The following RGS6 variants were observed in gnomAD, a reference collection of about 807,000 sequenced individuals.
RGS6 encodes the protein regulator of G protein signaling 6, also known as regulator of G-protein signaling 6.
Under a neutral mutation model 78.5 loss-of-function variants are expected in RGS6, and 30 were observed. The ratio of observed to expected loss-of-function variants is 0.38; its 90% CI spans 0.29 to 0.52. RGS6 has a LOEUF of 0.52. Among genes scored for constraint, RGS6 ranks in the 20% least tolerant of loss-of-function variants. The pLI is 0.85. For synonymous variants in RGS6, 206 were observed against 206.0 expected, an observed-to-expected ratio of 1.00 and a Z score of 0.00; for missense variants, 495 against 609.7, an observed-to-expected ratio of 0.81 and a Z score of 1.98.
At chr14:71,878,291 G>C in the RGS6 span, among the ~76,000 whole-genome samples, 7 of 152,206 alleles carry the variant, frequency 4.6e-5, no homozygotes, top group Admixed American at 4.6e-4. Flanking sequence ...GGAGTCTACA[G>C]AGGCAGGCAG....
chr14:72,131,586 G>A (rs1347187139), intron 2 of RGS6, among the ~76,000 whole-genome samples: 1 of 152,118 alleles, frequency 6.6e-6, no homozygotes, highest in African/African-American at 2.4e-5. Flanking sequence ...AGAAACTTTT[G>A]TATCCTTCCC....
intron 2 of RGS6, among the ~76,000 whole-genome samples, chr14:72,231,770 G>A (rs1320327405): frequency 3.3e-5 from 5 of 152,014 alleles, no homozygotes; most frequent in African/African-American, 4.8e-5. Flanking sequence ...GAGCGTGTTC[G>A]AGAGAAAGAA....
chr14:71,912,987 G>A, the RGS6 span, among the ~76,000 whole-genome samples: 4 of 151,908 alleles, frequency 2.6e-5, no homozygotes, highest in Non-Finnish European at 4.4e-5. Flanking sequence ...CACCACACCC[G>A]GCTAATTTTT....
intron 2 of RGS6, among the ~76,000 whole-genome samples, chr14:72,133,833 C>T (rs1013615462): frequency 1.3e-5 from 2 of 152,018 alleles, no homozygotes; most frequent in African/African-American, 2.4e-5. Flanking sequence ...CACGCATCTA[C>T]GTGATTGGTG....
intron 2 of RGS6, among the ~76,000 whole-genome samples, chr14:72,213,098 T>G: frequency 6.6e-6 from 1 of 152,212 alleles, no homozygotes; most frequent in East Asian, 1.9e-4. Flanking sequence ...GTTTATCTTA[T>G]TAATCCTAGA....
chr14:72,355,873 T>A (rs759824924), intron 3 of RGS6, among the ~76,000 whole-genome samples: 3 of 152,100 alleles, frequency 2.0e-5, no homozygotes, highest in Non-Finnish European at 4.4e-5. Flanking sequence ...GCAAGAGAGT[T>A]CCTGGAACAT....
At chr14:72,044,510 C>T (rs2092683192) in intron 2 of RGS6, among the ~76,000 whole-genome samples, 1 of 152,176 alleles carries the variant, frequency 6.6e-6, no homozygotes, top group Non-Finnish European at 1.5e-5. Context: ...CTCTCCCTCT[C>T]CTTTTCCCTC....
intron 2 of RGS6, among the ~76,000 whole-genome samples, chr14:72,045,559 A>G (rs891694859): frequency 5.9e-5 from 9 of 152,120 alleles, no homozygotes; most frequent in Non-Finnish European, 1.2e-4. Context: ...ATCTAATGTA[A>G]TCTGTTATTT....
intron 2 of RGS6, among the ~76,000 whole-genome samples, chr14:71,997,030 G>A (rs2095232200): frequency 6.6e-6 from 1 of 152,162 alleles, no homozygotes; most frequent in Admixed American, 6.5e-5. Context: ...GGATTGGAGA[G>A]GACAGGGTGG....
intron 2 of RGS6, among the ~76,000 whole-genome samples, chr14:72,031,923 A>G (rs966748465): frequency 6.6e-6 from 1 of 152,200 alleles, no homozygotes; most frequent in Non-Finnish European, 1.5e-5. Flanking sequence ...TAATGTTTGC[A>G]GTGCCAATAG....
chr14:72,255,820 A>G (rs2056960112), intron 2 of RGS6, among the ~76,000 whole-genome samples: 1 of 152,238 alleles, frequency 6.6e-6, no homozygotes, highest in Admixed American at 6.5e-5. Flanking sequence ...TACTAAATAG[A>G]AGTTTCTCAC....
intron 2 of RGS6, among the ~76,000 whole-genome samples, chr14:72,019,923 G>C (rs1266280298): frequency 6.6e-6 from 1 of 152,184 alleles, no homozygotes; most frequent in Non-Finnish European, 1.5e-5. Flanking sequence ...GAGCATTCTG[G>C]AATGCTGCAT....
At position 72,066,250 on chromosome 14, in the gene RGS6, A is replaced by G. The variant is rs142524059; in HGVS notation, c.84+101375A>G. 3.7e-3 allele frequency among the ~76,000 whole-genome samples: 556 copies of G among 152,194 alleles called. 1 individual carries two copies. Among genetic ancestry groups the G allele is most frequent in the Middle Eastern group, 0.02 (6 of 294 alleles). On this transcript the variant is annotated intron_variant, in intron 2 of 17. Transcript: ENST00000553525. Reference sequence around the variant, plus strand: ...GGAACGGGTCACTGGAGATTTTGCTATCTCTCCAGGTTTCATGCTTTGGGA... The same window carrying G: ...GGAACGGGTCACTGGAGATTTTGCTGTCTCTCCAGGTTTCATGCTTTGGGA...
At chr14:72,416,452 G>A (rs775844465) in intron 3 of RGS6, among the ~76,000 whole-genome samples, 2 of 152,196 alleles carry the variant, frequency 1.3e-5, no homozygotes, top group African/African-American at 4.8e-5. Context: ...AGATTTGTAA[G>A]TTGACTGTAT....
At chr14:72,443,310 T>A (rs958403496) in intron 3 of RGS6, among the ~76,000 whole-genome samples, 1 of 152,222 alleles carries the variant, frequency 6.6e-6, no homozygotes, top group South Asian at 2.1e-4. Context: ...ACCCGTAAGA[T>A]CTTTGCTCAA....
intron 2 of RGS6, among the ~76,000 whole-genome samples, chr14:72,000,006 G>C (rs147093661): frequency 3.2e-4 from 48 of 152,236 alleles, no homozygotes; most frequent in African/African-American, 1.1e-3. Flanking sequence ...TCTGAACATT[G>C]TGACCTTCTA....
At chr14:72,629,615 C>T in the RGS6 span, 2 of 1,534,548 alleles carry the variant, frequency 1.3e-6, no homozygotes, top group East Asian at 2.4e-5. Flanking sequence ...GGGAAAGCCC[C>T]AAACTCACAT....
intron 2 of RGS6, among the ~76,000 whole-genome samples, chr14:72,346,216 T>C (rs1359700442): frequency 6.6e-6 from 1 of 152,224 alleles, no homozygotes; most frequent in African/African-American, 2.4e-5. Context: ...TATAGTTTGC[T>C]ATACTTTAAG....
chr14:72,278,287 A>G (rs1158885340), intron 2 of RGS6, among the ~76,000 whole-genome samples: 1 of 152,242 alleles, frequency 6.6e-6, no homozygotes, highest in African/African-American at 2.4e-5. Context: ...TGGTTTTGAT[A>G]GAAAAAGAGG....
Sources: allele counts gnomAD v4.1 joint callset (sites outside exome capture counted in the v4.1 genomes callset), GRCh38; gene constraint gnomAD v4.1.1; transcripts MANE v1.5; gene names NCBI Gene and HGNC (gene_info 2026-07-23, HGNC 2026-07-21).